The following MCPH1 variants were observed in gnomAD, a reference collection of about 807,000 sequenced individuals.
MCPH1 encodes the protein microcephalin.
A neutral mutation model predicts 84.5 loss-of-function variants in MCPH1; 104 were observed. The ratio of observed to expected loss-of-function variants is 1.23; its 90% CI spans 1.05 to 1.45. MCPH1 has a LOEUF of 1.45. Among genes scored for constraint, MCPH1 ranks in the 40% most tolerant of loss-of-function variants. The probability of loss-of-function intolerance (pLI) is 0.00; values close to 1 mark genes in which losing one functional copy is unlikely to be tolerated. For synonymous variants in MCPH1, 514 were observed against 366.8 expected, an observed-to-expected ratio of 1.40 and a Z score of -4.58; for missense variants, 1,498 against 1,005.7, an observed-to-expected ratio of 1.49 and a Z score of -6.62.
intron 13 of MCPH1, among the ~76,000 whole-genome samples, chr8:6,639,713 C>T (rs138518320): frequency 6.9e-4 from 104 of 150,636 alleles, no homozygotes; most frequent in African/African-American, 2.4e-3. Flanking sequence ...TATATAAACA[C>T]AGATATTGTT....
At chr8:6,419,515 C>G (rs868428112) in intron 3 of MCPH1, among the ~76,000 whole-genome samples, 5 of 151,854 alleles carry the variant, frequency 3.3e-5, no homozygotes, top group Non-Finnish European at 5.9e-5. Context: ...GCCTCAGCCT[C>G]CCGAGTAGCT....
intron 12 of MCPH1, among the ~76,000 whole-genome samples, chr8:6,575,460 C>G (rs1391739183): frequency 1.3e-5 from 2 of 152,130 alleles, no homozygotes. Context: ...AAAGAAGACC[C>G]AGGGTGGTCA....
intron 13 of MCPH1, among the ~76,000 whole-genome samples, chr8:6,631,866 T>G (rs868071153): frequency 1.3e-5 from 2 of 152,190 alleles, no homozygotes; most frequent in South Asian, 2.1e-4. Context: ...AAGCAGGATC[T>G]CAAAAGAATA....
intron 8 of MCPH1, chr8:6,446,263 C>T (rs1804351245): frequency 1.1e-5 from 11 of 983,408 alleles, no homozygotes; most frequent in Non-Finnish European, 1.3e-5. Context: ...CAAATAGGTT[C>T]CAGCAACCAA....
chr8:6,468,040 C>G (rs983252132), intron 9 of MCPH1, among the ~76,000 whole-genome samples: 2 of 152,178 alleles, frequency 1.3e-5, no homozygotes, highest in Non-Finnish European at 2.9e-5. Flanking sequence ...TGGGGTTATA[C>G]TTAGAGTGGG....
intron 12 of MCPH1, among the ~76,000 whole-genome samples, chr8:6,548,985 C>G (rs557944012): frequency 6.6e-6 from 1 of 152,334 alleles, no homozygotes; most frequent in African/African-American, 2.4e-5. Flanking sequence ...ATGAATCAAT[C>G]TATTCCTCAA....
intron 3 of MCPH1, among the ~76,000 whole-genome samples, chr8:6,426,411 C>T (rs898257443): frequency 6.6e-6 from 1 of 152,174 alleles, no homozygotes; most frequent in African/African-American, 2.4e-5. Flanking sequence ...TTAGTGTCAC[C>T]AATTCTGGGG....
At chr8:6,553,964 T>C (rs994100536) in intron 12 of MCPH1, among the ~76,000 whole-genome samples, 1 of 152,074 alleles carries the variant, frequency 6.6e-6, no homozygotes, top group Non-Finnish European at 1.5e-5. Flanking sequence ...GTGTGTAGCA[T>C]GTCCAGTTGG....
chr8:6,541,895 C>G lies in MCPH1; in HGVS notation c.2214+41966C>G, dbSNP rs148623282. Among the ~76,000 whole-genome samples, 422 of 151,646 alleles carry G rather than the reference C, an allele frequency of 2.8e-3. 8 individuals are homozygous for G. In the East Asian group the frequency reaches 0.062, roughly 22 times the overall value. On this transcript the variant is annotated intron_variant, in intron 12 of 13. Transcript: ENST00000344683. Reference sequence around the variant, plus strand: ...TGGTGGCTCATGCCTGTGGTCCTAGCTACTCAGGAGGCTAAGGTGGGAGGA... The same window carrying G: ...TGGTGGCTCATGCCTGTGGTCCTAGGTACTCAGGAGGCTAAGGTGGGAGGA...
intron 12 of MCPH1, among the ~76,000 whole-genome samples, chr8:6,552,335 C>T (rs1473883432): frequency 6.6e-6 from 1 of 152,154 alleles, no homozygotes; most frequent in African/African-American, 2.4e-5. Context: ...CAGTGTGTTG[C>T]CCAATGACAG....
chr8:6,488,896 T>C (rs887197750), intron 11 of MCPH1, among the ~76,000 whole-genome samples: 11 of 151,766 alleles, frequency 7.2e-5, no homozygotes, highest in Admixed American at 5.9e-4. Flanking sequence ...GGGGGGTTGA[T>C]AGGTGGAGAG....
intron 12 of MCPH1, among the ~76,000 whole-genome samples, chr8:6,584,191 A>G (rs1827797232): frequency 6.6e-6 from 1 of 152,184 alleles, no homozygotes; most frequent in African/African-American, 2.4e-5. Context: ...TTCAAAATCA[A>G]TACACACTTT....
intron 12 of MCPH1, among the ~76,000 whole-genome samples, chr8:6,562,032 G>T (rs762879270): frequency 6.6e-6 from 1 of 152,172 alleles, no homozygotes; most frequent in African/African-American, 2.4e-5. Context: ...CTTGGGAACT[G>T]TGCCCCTGTT....
chr8:6,642,661 C>A, intron 13 of MCPH1: 2 of 416,720 alleles, frequency 4.8e-6, no homozygotes, highest in Non-Finnish European at 9.0e-6. Flanking sequence ...ATTAGAAATT[C>A]TTGGCTCCTA....
intron 12 of MCPH1, among the ~76,000 whole-genome samples, chr8:6,533,865 G>A (rs767514545): frequency 1.8e-4 from 28 of 152,284 alleles, no homozygotes; most frequent in Non-Finnish European, 4.0e-4. Context: ...GTCTTTAAGA[G>A]TAGGAAAATA....
chr8:6,586,001 C>A (rs1405276815), intron 12 of MCPH1, among the ~76,000 whole-genome samples: 1 of 152,212 alleles, frequency 6.6e-6, no homozygotes, highest in South Asian at 2.1e-4. Flanking sequence ...CACTCTGTCA[C>A]CCAGGCTGGA....
At chr8:6,465,062 G>C (rs1431147609) in intron 9 of MCPH1, among the ~76,000 whole-genome samples, 1 of 152,072 alleles carries the variant, frequency 6.6e-6, no homozygotes, top group Non-Finnish European at 1.5e-5. Context: ...GGAGAGATGT[G>C]GAGGCCCAAT....
chr8:6,424,005 C>G (rs145059269), intron 3 of MCPH1, among the ~76,000 whole-genome samples: 1 of 152,168 alleles, frequency 6.6e-6, no homozygotes, highest in Non-Finnish European at 1.5e-5. Flanking sequence ...TCTGTCCTTT[C>G]TTGGTGAACT....
intron 11 of MCPH1, among the ~76,000 whole-genome samples, chr8:6,498,394 G>A (rs975545926): frequency 2.6e-5 from 4 of 152,154 alleles, no homozygotes; most frequent in African/African-American, 9.7e-5. Flanking sequence ...TGATTTGATT[G>A]TTTTAATACA....
Sources: gnomAD v4.1 joint callset for allele counts (sites outside exome capture counted in the v4.1 genomes callset) on GRCh38, gnomAD v4.1.1 for gene constraint, MANE v1.5 for transcripts, NCBI Gene and HGNC (gene_info 2026-07-23, HGNC 2026-07-21) for gene names.